CORIN: variants seen among roughly 807,000 people sequenced by gnomAD.
CORIN encodes corin, serine peptidase, also known as atrial natriuretic peptide-converting enzyme.
CORIN carries 117 observed loss-of-function variants against 125.3 expected under a neutral mutation model. The ratio of observed to expected loss-of-function variants is 0.93; its 90% CI spans 0.80 to 1.09. The LOEUF is 1.09. Ranked by LOEUF, CORIN falls within the 50% of genes least tolerant of loss-of-function variation. The probability of loss-of-function intolerance (pLI) is 0.00; values close to 1 mark genes in which losing one functional copy is unlikely to be tolerated. For missense variants in CORIN, 1,253 were observed against 1,306.7 expected (o/e 0.96, Z 0.63); for synonymous variants, 450 against 466.4 (o/e 0.96, Z 0.45).
chr4:47,674,571 A>T, intron 9 of CORIN, 71 bp from the exon 10 acceptor site: 1 of 932,168 alleles, frequency 1.1e-6, no homozygotes, highest in Middle Eastern at 2.1e-4. Flanking sequence ...CTAAAAGATC[A>T]GGAATGTCTG....
At chr4:47,805,861 T>C (rs1411920412) in intron 2 of CORIN, among the ~76,000 whole-genome samples, 1 of 152,224 alleles carries the variant, frequency 6.6e-6, no homozygotes, top group African/African-American at 2.4e-5. Flanking sequence ...TCATTGGCAA[T>C]GCAATTAGAT....
intron 5 of CORIN, among the ~76,000 whole-genome samples, chr4:47,741,368 A>C (rs937859148): frequency 1.3e-5 from 2 of 152,086 alleles, no homozygotes; most frequent in Non-Finnish European, 2.9e-5. Flanking sequence ...AGCAAACTGC[A>C]AATCAAAACC....
intron 5 of CORIN, among the ~76,000 whole-genome samples, chr4:47,722,708 T>C (rs936814852): frequency 6.6e-6 from 1 of 152,170 alleles, no homozygotes; most frequent in African/African-American, 2.4e-5. Context: ...GAAATACGTA[T>C]CTTAAAATTT....
At chr4:47,804,900 G>A (rs138985033) in intron 2 of CORIN, among the ~76,000 whole-genome samples, 1 of 151,596 alleles carries the variant, frequency 6.6e-6, no homozygotes, top group East Asian at 1.9e-4. Flanking sequence ...TTTTTGGGAG[G>A]CCGAGACGGG....
chr4:47,680,263 A>T lies in CORIN; in HGVS notation c.1022-12T>A. On this transcript the variant is annotated splice_polypyrimidine_tract_variant and intron_variant, in intron 7 of 21. Transcript: ENST00000273857. ...TGTGGGATTGCAATCTGGAGAAATG[A>T]AAACTCACGAGGATGCAGAGAACCA... 6.3e-7 allele frequency: 1 copy of T among 1,599,722 alleles called. No homozygotes were observed. The highest frequency in any genetic ancestry group is 8.6e-7 in the Non-Finnish European group (1 of 1,167,374).
chr4:47,665,577 G>A (rs1249722837), intron 10 of CORIN, among the ~76,000 whole-genome samples: 2 of 151,700 alleles, frequency 1.3e-5, no homozygotes. Context: ...TCCTTTTATT[G>A]ACTCCAATTC....
chr4:47,743,829 G>A (rs1181770203), intron 5 of CORIN, among the ~76,000 whole-genome samples: 1 of 151,956 alleles, frequency 6.6e-6, no homozygotes, highest in East Asian at 1.9e-4. Flanking sequence ...AGGTTGCAGT[G>A]AGCTGAGATC....
At chr4:47,837,811 G>A (rs774147434) in intron 1 of CORIN, 76 bp downstream of exon 1, 35 of 1,310,136 alleles carry the variant, frequency 2.7e-5, no homozygotes, top group Admixed American at 1.5e-4. Flanking sequence ...GGGGCGGGAG[G>A]GGCTGACCCT....
chr4:47,638,583 A>C (rs1723117801), intron 16 of CORIN, among the ~76,000 whole-genome samples: 1 of 152,208 alleles, frequency 6.6e-6, no homozygotes, highest in Non-Finnish European at 1.5e-5. Flanking sequence ...GTTTCCCCAC[A>C]CAAGCTCTCT....
chr4:47,745,801 G>C (rs1244209962), intron 4 of CORIN, among the ~76,000 whole-genome samples: 3 of 152,194 alleles, frequency 2.0e-5, no homozygotes, highest in African/African-American at 7.2e-5. Context: ...GAAACTAATA[G>C]GGTCTGTAAA....
intron 6 of CORIN, among the ~76,000 whole-genome samples, chr4:47,688,084 G>A (rs1002739553): frequency 3.9e-5 from 6 of 152,118 alleles, no homozygotes; most frequent in African/African-American, 1.4e-4. Context: ...ATTGCAAAAT[G>A]TCACCTAGAG....
intron 4 of CORIN, among the ~76,000 whole-genome samples, chr4:47,759,593 C>T (rs575848619): frequency 6.6e-6 from 1 of 152,104 alleles, no homozygotes; most frequent in South Asian, 2.1e-4. Context: ...ATATAAATGG[C>T]CAACAGGTAT....
chr4:47,662,514 A>G (rs541132577), intron 11 of CORIN, among the ~76,000 whole-genome samples: 37 of 152,110 alleles, frequency 2.4e-4, no homozygotes, highest in Non-Finnish European at 2.2e-4. Flanking sequence ...AATATTTTTA[A>G]GTTAAAGTAT....
chr4:47,603,323 C>A, intron 20 of CORIN, 74 bp downstream of exon 20: 1 of 1,482,126 alleles, frequency 6.7e-7, no homozygotes, highest in East Asian at 2.3e-5. Flanking sequence ...AATTAAACTT[C>A]TTTCCTTTAT....
intron 11 of CORIN, among the ~76,000 whole-genome samples, chr4:47,663,080 CA>C (rs1049498920): frequency 6.6e-6 from 1 of 152,088 alleles, no homozygotes; most frequent in Non-Finnish European, 1.5e-5. Flanking sequence ...CTTATTTGTA[CA>C]AAAGACTATA....
At position 47,774,921 on chromosome 4, in the gene CORIN, GA is replaced by G. The variant is rs566573274; in HGVS notation, c.410-11336del. Among the ~76,000 whole-genome samples the G allele has an allele frequency of 1.3e-3, 197 of 152,342 alleles. 2 individuals carry two copies. The highest frequency in any genetic ancestry group is 4.5e-3 in the African/African-American group (188 of 41,584). ...AAACATAGTCAAACTCATAGAAGCA[GA>G]AAAGCGGAATGATGGTTGCCAGAGG... On this transcript the variant is annotated intron_variant, in intron 3 of 21. Transcript: ENST00000273857.
chr4:47,837,799 CG>C (rs1398134877), intron 1 of CORIN, 87 bp downstream of exon 1: 8 of 1,162,444 alleles, frequency 6.9e-6, no homozygotes, highest in Non-Finnish European at 1.0e-5. Context: ...GAGGAGAGGA[CG>C]GGGGCGGGAG....
At chr4:47,653,417 A>C in intron 13 of CORIN, 136 bp downstream of exon 13, 1 of 709,234 alleles carries the variant, frequency 1.4e-6, no homozygotes, top group Non-Finnish European at 2.4e-6. Context: ...ATACTGTTCA[A>C]TAATTTAAGA....
chr4:47,725,091 T>A (rs1413703446), intron 5 of CORIN, among the ~76,000 whole-genome samples: 1 of 152,170 alleles, frequency 6.6e-6, no homozygotes, highest in Non-Finnish European at 1.5e-5. Context: ...AAGACCTATA[T>A]GAGCAAATTA....
Sources: gnomAD v4.1 joint callset for allele counts (sites outside exome capture counted in the v4.1 genomes callset) on GRCh38, gnomAD v4.1.1 for gene constraint, MANE v1.5 for transcripts, NCBI Gene and HGNC (gene_info 2026-07-23, HGNC 2026-07-21) for gene names.